DDA1: variants seen among roughly 807,000 people sequenced by gnomAD.
The protein encoded by DDA1 is DET1- and DDB1-associated protein 1.
Under a neutral mutation model 18.6 loss-of-function variants are expected in DDA1, and 3 were observed. The observed-to-expected ratio is 0.16, with a 90% CI of 0.07 to 0.42. The LOEUF (loss-of-function observed/expected upper bound fraction) is 0.42. Among genes scored for constraint, DDA1 ranks in the 10% least tolerant of loss-of-function variants. DDA1 has a pLI of 0.99. For synonymous variants in DDA1, 52 were observed against 54.0 expected (o/e 0.96, Z 0.17); for missense variants, 105 against 138.2 (o/e 0.76, Z 1.20).
At chr19:17,316,460 A>G (rs1477744985) in intron 4 of DDA1, among the ~76,000 whole-genome samples, 1 of 151,842 alleles carries the variant, frequency 6.6e-6, no homozygotes, top group South Asian at 2.1e-4. Context: ...CGTGACTGTA[A>G]TCCCAGCTAC....
intron 4 of DDA1, among the ~76,000 whole-genome samples, chr19:17,317,966 G>A (rs1036079635): frequency 4.0e-5 from 6 of 151,418 alleles, no homozygotes; most frequent in South Asian, 4.2e-4. Context: ...TTTCTTTTTC[G>A]TTTTTCATTT....
chr19:17,315,966 C>T lies in DDA1; in HGVS notation c.169C>T (p.Arg57Cys), dbSNP rs751282379. The change falls in exon 4 of 5, where the codon CGC becomes TGC. Residue 57 changes from arginine (R) to cysteine (C), a missense_variant. This residue lies in a region of DDA1 where 43 missense variants were observed against 82.3 expected (regional missense o/e 0.52). Coordinates refer to ENST00000359866, the MANE Select transcript of DDA1 (RefSeq NM_024050.6). ...GACAGAAAAGACAAACATCCTCCTG[C>T]GCTACCTGCATCAGCAATGGGACAA... The part of the protein sequence containing the change: ...IVTEKTNILL[R>C]YLHQQWDKKN... 5 of 1,614,164 alleles carry T rather than the reference C, an allele frequency of 3.1e-6. No individual in the cohort carries two copies. The highest frequency in any genetic ancestry group is 3.4e-6 in the Non-Finnish European group (4 of 1,180,020).
At chr19:17,318,229 TTTTA>T (rs1333110151) in intron 4 of DDA1, among the ~76,000 whole-genome samples, 1 of 148,178 alleles carries the variant, frequency 6.7e-6, no homozygotes, top group African/African-American at 2.5e-5. Flanking sequence ...ATTTATTTTA[TTTTA>T]TTTATTTATT....
intron 3 of DDA1, among the ~76,000 whole-genome samples, chr19:17,315,431 T>TGC (rs35247114): frequency 3.7e-4 from 36 of 98,482 alleles, no homozygotes; most frequent in South Asian, 2.3e-3. Context: ...TGTGTGTGCA[T>TGC]ATATATATAT....
In DDA1 at chr19:17,322,527, C is replaced by G. The variant is rs1035486726; in HGVS notation, c.*2871C>G. ...CCTCCCAAAGGGCCCCTTGCTCACA[C>G]TGGCCCAGCCCTGCAGCATGGCCAT... On this transcript the variant is annotated 3_prime_UTR_variant, in exon 5 of 5. Transcript: ENST00000359866. 20 of 152,568 alleles carry G rather than the reference C, an allele frequency of 1.3e-4. 1 individual carries two copies. Among genetic ancestry groups the G allele is most frequent in the African/African-American group, 4.6e-4 (19 of 41,466 alleles). The allele number at this position is 152,568 out of a possible 1,614,324, so 9.5% of individuals were successfully genotyped here. A position where few individuals can be genotyped will look rare whatever the true frequency, so the allele number is the denominator to read the frequency against.
At chr19:17,310,144 C>T (rs757530706) in intron 1 of DDA1, 1 of 162,930 alleles carries the variant, frequency 6.1e-6, no homozygotes, top group Admixed American at 6.4e-5. Flanking sequence ...CCTGACCCCA[C>T]CTCCACCATT....
chr19:17,315,917 CTA>C lies in DDA1; in HGVS notation c.137-15_137-14del. On this transcript the variant is annotated splice_polypyrimidine_tract_variant and intron_variant, in intron 3 of 4. Coordinates refer to ENST00000359866, the MANE Select transcript of DDA1 (RefSeq NM_024050.6). ...GGAGGGGAGGCGTCTGCGACTTTCT[CTA>C]TCTTTCCTCCTTAGTCATCGTGACA... The C allele has an allele frequency of 1.9e-6, 3 of 1,614,006 alleles. No individual in the cohort carries two copies. The African/African-American group carries it at 4.0e-5, about 22-fold the overall frequency.
At position 17,315,337 on chromosome 19, in the gene DDA1, A is replaced by G. The variant is rs142407112; in HGVS notation, c.137-597A>G. ...ATACACGCTATATATATACACACGT[A>G]TATATATACACGCTATATATATACG... On this transcript the variant is annotated intron_variant, in intron 3 of 4. Coordinates refer to ENST00000359866, the MANE Select transcript of DDA1 (RefSeq NM_024050.6). Among the ~76,000 whole-genome samples, 94 of 84,784 alleles carry G rather than the reference A, an allele frequency of 1.1e-3. 4 individuals are homozygous for G. Among genetic ancestry groups the G allele is most frequent in the African/African-American group, 1.9e-3 (34 of 17,844 alleles). 55.6% of individuals were successfully genotyped at this position (84,784 alleles called of 152,430 possible).
chr19:17,310,616 A>G (rs762423708), intron 1 of DDA1, among the ~76,000 whole-genome samples: 60 of 152,222 alleles, frequency 3.9e-4, no homozygotes, highest in Non-Finnish European at 4.8e-4. Flanking sequence ...CCCCTGACCC[A>G]GAGTCCCAGC....
rs1568353564 is a variant in DDA1, at chr19:17,315,147, ACACGTATATATACACACG to A, written c.136+759_137-769del. On this transcript the variant is annotated intron_variant, in intron 3 of 4. Transcript: ENST00000359866. ...TATATATACACACATATATATACAC[ACACGTATATATACACACG>A]TGTATATACACACACGTGTATACAC... is the stretch of plus-strand genomic sequence containing the variant. 4.9e-3 allele frequency among the ~76,000 whole-genome samples: 460 copies of A among 93,922 alleles called. 64 individuals are homozygous for A. Among genetic ancestry groups the A allele is most frequent in the South Asian group, 9.2e-3 (33 of 3,582 alleles). The allele number at this position is 93,922 out of a possible 152,430, so 61.6% of individuals were successfully genotyped here.
intron 1 of DDA1, among the ~76,000 whole-genome samples, chr19:17,312,920 C>T (rs756143770): frequency 1.1e-4 from 16 of 141,470 alleles, no homozygotes; most frequent in Non-Finnish European, 2.2e-4. Flanking sequence ...GGCTGCCTCC[C>T]GGGTGGGAGG....
intron 1 of DDA1, among the ~76,000 whole-genome samples, chr19:17,313,315 C>G (rs1008101081): frequency 2.6e-5 from 4 of 151,594 alleles, no homozygotes; most frequent in Non-Finnish European, 5.9e-5. Context: ...GTCAGGAGAT[C>G]ATACATAGTG....
chr19:17,319,636 G>C lies in DDA1; in HGVS notation c.289G>C (p.Asp97His), dbSNP rs1222012873. The part of the protein sequence containing the change: ...PRKVARTDSP[D>H]MHEDT ...CAAGGTGGCGCGGACCGACAGCCCA[G>C]ACATGCACGAGGACACTTAAGACTC... Residue 97 changes from aspartate (D) to histidine (H), a missense_variant, in exon 5 of 5, where the codon GAC becomes CAC. Coordinates refer to ENST00000359866, the MANE Select transcript of DDA1 (RefSeq NM_024050.6). The C allele has an allele frequency of 2.5e-6, 4 of 1,573,252 alleles. No homozygotes were observed. Among genetic ancestry groups the C allele is most frequent in the Admixed American group, 1.9e-5 (1 of 53,770 alleles).
intron 3 of DDA1, among the ~76,000 whole-genome samples, chr19:17,315,428 GCATATA>G (rs1266704039): frequency 5.6e-5 from 4 of 71,380 alleles, no homozygotes; most frequent in Non-Finnish European, 1.0e-4. Flanking sequence ...GTGTGTGTGT[GCATATA>G]TATATATATA....
rs2074241473 is a variant in DDA1, at chr19:17,321,856, A to T, written c.*2200A>T. ...GTCTACACCACAGTGATGGTGCTACAGGGGCCATGTGGTCACAGGACAGGT... is the reference window on the plus strand; with the variant it reads ...GTCTACACCACAGTGATGGTGCTACTGGGGCCATGTGGTCACAGGACAGGT... On this transcript the variant is annotated 3_prime_UTR_variant, in exon 5 of 5. Coordinates refer to ENST00000359866, the MANE Select transcript of DDA1 (RefSeq NM_024050.6). 1 of 152,564 alleles carries T rather than the reference A, an allele frequency of 6.6e-6. No homozygotes were observed. Among genetic ancestry groups the T allele is most frequent in the Admixed American group, 6.5e-5 (1 of 15,292 alleles). The allele number at this position is 152,564 out of a possible 1,614,324, so 9.5% of individuals were successfully genotyped here.
intron 1 of DDA1, among the ~76,000 whole-genome samples, chr19:17,313,674 C>T (rs575489098): frequency 3.9e-4 from 59 of 152,190 alleles, no homozygotes; most frequent in African/African-American, 1.0e-3. Context: ...AACTCCTGAC[C>T]GCAGATGATG....
In DDA1 at chr19:17,315,295, T is replaced by TAC. The variant is rs1232256717; in HGVS notation, c.137-634_137-633dup. Among the ~76,000 whole-genome samples the TAC allele has an allele frequency of 9.4e-5, 3 of 31,756 alleles. 1 individual carries two copies. The East Asian group carries it at 9.8e-4, about 10-fold the overall frequency. 20.8% of individuals were successfully genotyped at this position (31,756 alleles called of 152,430 possible). A position where few individuals can be genotyped will look rare whatever the true frequency, so the allele number is the denominator to read the frequency against. On this transcript the variant is annotated intron_variant, in intron 3 of 4. Coordinates refer to ENST00000359866, the MANE Select transcript of DDA1 (RefSeq NM_024050.6). ...CGTGTATATACACACACTATATATA[T>TAC]ACACACGTGTATATATATACACGCT...
rs878940508 is a variant in DDA1 at position 17,319,736 on chromosome 19, C to T, written c.*80C>T. Reference sequence around the variant, plus strand: ...GCCTGCCCGCCATGTGTAAGCACCCCGCCCGCCCGCCTCCCTGCCGGCCCA... The same window carrying T: ...GCCTGCCCGCCATGTGTAAGCACCCTGCCCGCCCGCCTCCCTGCCGGCCCA... On this transcript the variant is annotated 3_prime_UTR_variant, in exon 5 of 5. Coordinates refer to ENST00000359866, the MANE Select transcript of DDA1 (RefSeq NM_024050.6). The T allele has an allele frequency of 3.4e-4, 424 of 1,259,580 alleles. No homozygotes were observed. Among genetic ancestry groups the T allele is most frequent in the South Asian group, 1.8e-3 (134 of 74,386 alleles). 78.0% of individuals were successfully genotyped at this position (1,259,580 alleles called of 1,614,324 possible).
At chr19:17,316,629 C>T (rs1201093183) in intron 4 of DDA1, among the ~76,000 whole-genome samples, 2 of 151,560 alleles carry the variant, frequency 1.3e-5, no homozygotes, top group African/African-American at 4.8e-5. Context: ...AATCCCAGCA[C>T]TTTGGGAGGC....
Sources: gnomAD v4.1 joint callset for allele counts (sites outside exome capture counted in the v4.1 genomes callset) on GRCh38, gnomAD v4.1.1 for gene constraint, gnomAD v4.1.1 regional missense constraint, MANE v1.5 for transcripts, NCBI Gene and HGNC (gene_info 2026-07-23, HGNC 2026-07-21) for gene names.